Variants in PDS5B observed in about 807,000 individuals in gnomAD.
The protein encoded by PDS5B is PDS5 cohesin associated factor B.
PDS5B carries 51 observed loss-of-function variants against 184.1 expected under a neutral mutation model. That is an observed-to-expected ratio of 0.28 (90% CI 0.22 to 0.35). The LOEUF is 0.35. Ranked by LOEUF, PDS5B falls within the 10% of genes least tolerant of loss-of-function variation. The pLI is 1.00. For missense variants in PDS5B, 1,180 were observed against 1,723.3 expected, an observed-to-expected ratio of 0.68 and a Z score of 5.58; for synonymous variants, 566 against 569.2, an observed-to-expected ratio of 0.99 and a Z score of 0.08.
chr13:32,637,445 T>C (rs759229922), intron 1 of PDS5B, among the ~76,000 whole-genome samples: 15 of 152,144 alleles, frequency 9.9e-5, no homozygotes, highest in Non-Finnish European at 1.8e-4. Flanking sequence ...GGGAGACATT[T>C]TGTTTAGTTT....
chr13:32,736,395 G>A lies in PDS5B; in HGVS notation c.2406+1065G>A, dbSNP rs139889471. Reference sequence around the variant, plus strand: ...ATTTTTTAAAGGATGCTTTCTTTGGGTTAAGAATTCTAGACTGGTGTATTT... The same window carrying A: ...ATTTTTTAAAGGATGCTTTCTTTGGATTAAGAATTCTAGACTGGTGTATTT... On this transcript the variant is annotated intron_variant, in intron 21 of 34. Transcript: ENST00000315596. Among the ~76,000 whole-genome samples the A allele has an allele frequency of 3.6e-3, 542 of 151,850 alleles. 4 individuals carry two copies. The highest frequency in any genetic ancestry group is 0.013 in the African/African-American group (518 of 41,440).
rs1248709727 is a variant in PDS5B, at chr13:32,635,554, G to A, written c.-19-13200G>A. On this transcript the variant is annotated intron_variant, in intron 1 of 34. Transcript: ENST00000315596. ...AGATGGGGTTTCACCATGTTGGCCA[G>A]GATGGTCTTGATCTCTTGACCTCAT... 3.4e-5 allele frequency among the ~76,000 whole-genome samples: 5 copies of A among 148,708 alleles called. No individual in the cohort carries two copies. In the East Asian group the frequency reaches 1.0e-3, roughly 30 times the overall value.
At chr13:32,604,626 T>C (rs1333793326) in intron 1 of PDS5B, among the ~76,000 whole-genome samples, 2 of 151,822 alleles carry the variant, frequency 1.3e-5, no homozygotes, top group Non-Finnish European at 2.9e-5. Flanking sequence ...TTCTGTTGAT[T>C]GGAATAGTTT....
chr13:32,739,465 A>C (rs1235195899), intron 21 of PDS5B, among the ~76,000 whole-genome samples: 2 of 152,376 alleles, frequency 1.3e-5, no homozygotes, highest in African/African-American at 4.8e-5. Context: ...TATGATTGAT[A>C]AGGTGAATTA....
intron 1 of PDS5B, among the ~76,000 whole-genome samples, chr13:32,648,488 C>CTAG (rs1203586009): frequency 6.6e-6 from 1 of 151,826 alleles, no homozygotes; most frequent in Non-Finnish European, 1.5e-5. Context: ...CTCTAGCTTA[C>CTAG]TATTATTATT....
At chr13:32,747,150 G>A (rs145236239) in intron 24 of PDS5B, among the ~76,000 whole-genome samples, 31 of 152,232 alleles carry the variant, frequency 2.0e-4, no homozygotes, top group East Asian at 1.7e-3. Flanking sequence ...GGGCTGTACC[G>A]CTTTAGAAGT....
chr13:32,718,053 A>G (rs953560582), intron 19 of PDS5B, among the ~76,000 whole-genome samples: 16 of 152,230 alleles, frequency 1.1e-4, no homozygotes, highest in Middle Eastern at 3.2e-3. Context: ...GAGCGTTGGT[A>G]CAATATTAGT....
chr13:32,629,827 A>G (rs1183036202), intron 1 of PDS5B, among the ~76,000 whole-genome samples: 2 of 152,220 alleles, frequency 1.3e-5, no homozygotes, highest in African/African-American at 4.8e-5. Flanking sequence ...GGGCAAAATC[A>G]GCGAATTTCT....
Position 32,732,204 on chromosome 13 carries a change from C to G in PDS5B, c.2227C>G (p.Gln743Glu). ...TGCGATATTTTCTAGTAAAGAGACC[C>G]AGTTTGCACAGATATTTGAGGTAAT... Reference protein sequence around the residue: ...IHAIFSSKETQFAQIFEPLHK... With the variant: ...IHAIFSSKETEFAQIFEPLHK... The change falls in exon 20 of 35, where the codon CAG becomes GAG. Residue 743 changes from glutamine to glutamate, a missense_variant. Gln to Glu is a conservative substitution (Grantham distance 29). Around this residue, in one of 11 missense-constraint regions of PDS5B, gnomAD observed 475 missense variants for 691.5 expected, o/e 0.69. Transcript: ENST00000315596. 4 of 1,606,894 alleles carry G rather than the reference C, an allele frequency of 2.5e-6. No individual in the cohort carries two copies. Among genetic ancestry groups the G allele is most frequent in the Non-Finnish European group, 3.4e-6 (4 of 1,175,910 alleles).
At chr13:32,659,895 T>C (rs1237259004) in intron 6 of PDS5B, among the ~76,000 whole-genome samples, 1 of 152,170 alleles carries the variant, frequency 6.6e-6, no homozygotes, top group Admixed American at 6.5e-5. Context: ...TCTGGCAAGA[T>C]ATAATCTCAG....
rs1234613410 is a variant in PDS5B at position 32,759,624 on chromosome 13, G to T, written c.3310-4G>T. On this transcript the variant is annotated splice_polypyrimidine_tract_variant and splice_region_variant and intron_variant, in intron 28 of 34. Transcript: ENST00000315596. ...CTGACTACTTCTTTTTCTCTTGGTT[G>T]TAGAATTTCAGTAACACCAAAAATT... The T allele has an allele frequency of 6.6e-7, 1 of 1,510,576 alleles. No homozygotes were observed. Among genetic ancestry groups the T allele is most frequent in the South Asian group, 1.2e-5 (1 of 82,528 alleles). 93.6% of individuals were successfully genotyped at this position (1,510,576 alleles called of 1,614,324 possible).
chr13:32,598,961 G>A (rs560085728), intron 1 of PDS5B, among the ~76,000 whole-genome samples: 10 of 151,968 alleles, frequency 6.6e-5, no homozygotes, highest in East Asian at 1.9e-4. Flanking sequence ...TAGTAGAGAC[G>A]GGGTTTCACT....
intron 1 of PDS5B, among the ~76,000 whole-genome samples, chr13:32,615,098 C>T (rs9315171): frequency 0.016 from 2,436 of 152,266 alleles, 64 homozygotes; most frequent in African/African-American, 0.055. Flanking sequence ...TGCCCCCTAT[C>T]AATTATTATT....
chr13:32,760,836 T>G (rs1195269853), intron 30 of PDS5B, 116 bp downstream of exon 30: 1 of 997,688 alleles, frequency 1.0e-6, no homozygotes, highest in Non-Finnish European at 1.5e-6. Flanking sequence ...ATGTATTACT[T>G]AATTTTTCCA....
rs1353110930 is a variant in PDS5B at position 32,693,562 on chromosome 13, A to G, written c.1470-661A>G. ...GTGTAGAATAATTGAAAACAAACTG[A>G]TGAAAAGTTTTCCTTGTTTTTGGAG... is the stretch of plus-strand genomic sequence containing the variant. On this transcript the variant is annotated intron_variant, in intron 13 of 34. Transcript: ENST00000315596. Among the ~76,000 whole-genome samples, 3 of 151,684 alleles carry G rather than the reference A, an allele frequency of 2.0e-5. No individual in the cohort carries two copies. In the East Asian group the frequency reaches 5.8e-4, roughly 29 times the overall value.
At chr13:32,724,593 G>A (rs2140934638) in intron 19 of PDS5B, among the ~76,000 whole-genome samples, 1 of 152,006 alleles carries the variant, frequency 6.6e-6, no homozygotes, top group Non-Finnish European at 1.5e-5. Context: ...TGTTTGTTTT[G>A]ATTTTTTTAA....
chr13:32,649,012 A>G (rs1794163322), intron 2 of PDS5B, 132 bp downstream of exon 2: 2 of 653,206 alleles, frequency 3.1e-6, no homozygotes, highest in Non-Finnish European at 5.5e-6. Flanking sequence ...CATAGAAAAG[A>G]TCTAAGGGAG....
intron 1 of PDS5B, among the ~76,000 whole-genome samples, chr13:32,625,391 T>A (rs1468202629): frequency 6.6e-6 from 1 of 152,184 alleles, no homozygotes; most frequent in African/African-American, 2.4e-5. Flanking sequence ...TATTTTAGTT[T>A]TACATATACA....
chr13:32,640,384 C>T (rs948594724), intron 1 of PDS5B, among the ~76,000 whole-genome samples: 1 of 152,128 alleles, frequency 6.6e-6, no homozygotes, highest in Non-Finnish European at 1.5e-5. Flanking sequence ...GTAGTTGAGA[C>T]TACAGGCATG....
Sources: gnomAD v4.1 joint callset for allele counts (sites outside exome capture counted in the v4.1 genomes callset) on GRCh38, gnomAD v4.1.1 for gene constraint, gnomAD v4.1.1 regional missense constraint, MANE v1.5 for transcripts, NCBI Gene and HGNC (gene_info 2026-07-23, HGNC 2026-07-21) for gene names.